The following SLC37A3 variants were observed in gnomAD, a reference collection of about 807,000 sequenced individuals.
SLC37A3 encodes solute carrier family 37 member 3.
SLC37A3 carries 51 observed loss-of-function variants against 67.1 expected under a neutral mutation model. That is an observed-to-expected ratio of 0.76 (90% CI 0.61 to 0.96). SLC37A3 has a LOEUF of 0.96. Among genes scored for constraint, SLC37A3 ranks in the 40% least tolerant of loss-of-function variants. The pLI, the probability that SLC37A3 is intolerant of heterozygous loss-of-function variation, is 0.00. For missense variants in SLC37A3, 508 were observed against 603.0 expected (o/e 0.84, Z 1.65); for synonymous variants, 214 against 231.4 (o/e 0.92, Z 0.68).
Position 140,382,610 on chromosome 7 carries a change from A to C in SLC37A3, c.-70-14T>G. ...CATTTCTTCCTTCTGGAAAGACAAA[A>C]CACATTATGGACATTATTAAACATA... is the stretch of plus-strand genomic sequence containing the variant. On this transcript the variant is annotated splice_polypyrimidine_tract_variant and intron_variant, in intron 1 of 14. Coordinates refer to ENST00000326232, the MANE Select transcript of SLC37A3 (RefSeq NM_207113.3). The C allele has an allele frequency of 8.5e-7, 1 of 1,174,330 alleles. No homozygotes were observed. The highest frequency in any genetic ancestry group is 1.3e-6 in the Non-Finnish European group (1 of 794,686). The allele number at this position is 1,174,330 out of a possible 1,614,324, so 72.7% of individuals were successfully genotyped here. A position where few individuals can be genotyped will look rare whatever the true frequency, so the allele number is the denominator to read the frequency against.
intron 1 of SLC37A3, among the ~76,000 whole-genome samples, chr7:140,390,177 C>A (rs567237827): frequency 3.3e-5 from 5 of 152,074 alleles, no homozygotes; most frequent in African/African-American, 1.2e-4. Flanking sequence ...GGGGAGTGGT[C>A]AGCAGTAAAA....
At chr7:140,369,021 C>T (rs115006760) in intron 4 of SLC37A3, among the ~76,000 whole-genome samples, 174 of 152,184 alleles carry the variant, frequency 1.1e-3, no homozygotes, top group African/African-American at 4.1e-3. Flanking sequence ...TCCAGCAGCT[C>T]CCATCTCACT....
At chr7:140,356,768 A>G (rs1303128877) in intron 6 of SLC37A3, among the ~76,000 whole-genome samples, 1 of 152,208 alleles carries the variant, frequency 6.6e-6, no homozygotes, top group African/African-American at 2.4e-5. Context: ...TCACAATGCG[A>G]TATCATTACA....
intron 9 of SLC37A3, among the ~76,000 whole-genome samples, chr7:140,349,030 G>GT (rs1796690638): frequency 6.6e-6 from 1 of 152,164 alleles, no homozygotes; most frequent in South Asian, 2.1e-4. Flanking sequence ...GCTGTGTCCA[G>GT]TTTCTCCTCC....
At chr7:140,386,319 C>T (rs913892460) in intron 1 of SLC37A3, among the ~76,000 whole-genome samples, 3 of 152,104 alleles carry the variant, frequency 2.0e-5, no homozygotes, top group Non-Finnish European at 4.4e-5. Flanking sequence ...ATCCTTCCGC[C>T]TCAGCCTTCC....
At chr7:140,352,540 G>A (rs2117085408) in intron 7 of SLC37A3, among the ~76,000 whole-genome samples, 1 of 152,228 alleles carries the variant, frequency 6.6e-6, no homozygotes, top group East Asian at 1.9e-4. Flanking sequence ...ATATTATAAA[G>A]CACCAAGAAG....
chr7:140,386,300 C>T (rs1280229734), intron 1 of SLC37A3, among the ~76,000 whole-genome samples: 1 of 152,024 alleles, frequency 6.6e-6, no homozygotes, highest in Non-Finnish European at 1.5e-5. Flanking sequence ...GAATTCCTGG[C>T]CTCGGGGAAT....
chr7:140,345,811 C>T (rs1796532313), intron 11 of SLC37A3, 58 bp downstream of exon 11: 1 of 1,373,666 alleles, frequency 7.3e-7, no homozygotes, highest in South Asian at 1.2e-5. Flanking sequence ...CAAACAAATG[C>T]CTTATTCCAA....
chr7:140,349,665 C>A (rs1796715303), intron 9 of SLC37A3, among the ~76,000 whole-genome samples: 1 of 152,168 alleles, frequency 6.6e-6, no homozygotes, highest in Non-Finnish European at 1.5e-5. Flanking sequence ...AACAGCCACC[C>A]CCTAGAGAGC....
intron 13 of SLC37A3, among the ~76,000 whole-genome samples, chr7:140,338,413 C>T (rs1300378292): frequency 6.6e-6 from 1 of 152,134 alleles, no homozygotes; most frequent in East Asian, 1.9e-4. Flanking sequence ...AGTATTTGTC[C>T]TTTTATGTCT....
At chr7:140,381,308 G>A (rs992199154) in intron 2 of SLC37A3, among the ~76,000 whole-genome samples, 1 of 150,646 alleles carries the variant, frequency 6.6e-6, no homozygotes. Flanking sequence ...GAGCCCAGGA[G>A]TTCAAGACCA....
chr7:140,339,552 C>T (rs139036574), intron 13 of SLC37A3, among the ~76,000 whole-genome samples: 3,287 of 152,172 alleles, frequency 0.022, 48 homozygotes, highest in African/African-American at 0.048. Context: ...TGAGCCACCG[C>T]GCCCGGCCCC....
rs1473552852 is a variant in SLC37A3, at chr7:140,363,108, G to A, written c.375+1300C>T. Among the ~76,000 whole-genome samples the A allele has an allele frequency of 5.6e-5, 5 of 89,184 alleles. 2 individuals carry two copies. Among genetic ancestry groups the A allele is most frequent in the Admixed American group, 3.9e-4 (4 of 10,146 alleles). 58.5% of individuals were successfully genotyped at this position (89,184 alleles called of 152,430 possible). On this transcript the variant is annotated intron_variant, in intron 5 of 14. Transcript: ENST00000326232. The stretch of plus-strand genomic sequence containing the variant: ...CCCCGCCCGGCCAGCCGCCCCATCC[G>A]GGAGGTGAGGGGCGCTTCTGCCCGG...
rs1563036973 is a variant in SLC37A3 at position 140,369,597 on chromosome 7, T to C, written c.284A>G (p.Tyr95Cys). ...GTLDTIFLFS[Y>C]AVGLFISGIV... is the part of the protein sequence containing the mutation. ...TAGAGTTCCAAAACTTACCACAGCATAGGAGAAGAGGAAAATGGTATCCAG... is the reference window on the plus strand; with the variant it reads ...TAGAGTTCCAAAACTTACCACAGCACAGGAGAAGAGGAAAATGGTATCCAG... Residue 95 changes from tyrosine (Y) to cysteine (C), a missense_variant, in exon 4 of 15, where the codon TAT becomes TGT. Physicochemically the swap from Tyr to Cys is radical, Grantham distance 194 (BLOSUM62 -2). Coordinates refer to ENST00000326232, the MANE Select transcript of SLC37A3 (RefSeq NM_207113.3). The C allele has an allele frequency of 1.9e-6, 3 of 1,613,748 alleles. No homozygotes were observed. Among genetic ancestry groups the C allele is most frequent in the South Asian group, 1.1e-5 (1 of 91,060 alleles).
chr7:140,387,726 T>C (rs1798524619), intron 1 of SLC37A3, among the ~76,000 whole-genome samples: 1 of 74,016 alleles, frequency 1.4e-5, no homozygotes, highest in East Asian at 3.7e-4. Context: ...ATATATATTA[T>C]ATAAATATAC....
chr7:140,366,172 C>A (rs1797594353), intron 4 of SLC37A3, among the ~76,000 whole-genome samples: 1 of 151,930 alleles, frequency 6.6e-6, no homozygotes, highest in East Asian at 1.9e-4. Context: ...CTCCCCACTC[C>A]CAAAGTGCTA....
chr7:140,362,609 C>A (rs1409044599), intron 5 of SLC37A3, among the ~76,000 whole-genome samples: 1 of 82,430 alleles, frequency 1.2e-5, no homozygotes, highest in Non-Finnish European at 2.7e-5. Context: ...CGCCTCTGCC[C>A]GGCTGCCCCT....
At chr7:140,368,573 T>TA (rs924205031) in intron 4 of SLC37A3, among the ~76,000 whole-genome samples, 4 of 151,560 alleles carry the variant, frequency 2.6e-5, no homozygotes, top group African/African-American at 9.7e-5. Context: ...GTCTCAAAAA[T>TA]AAAAAATTAA....
At chr7:140,347,044 T>C (rs1796589672) in intron 10 of SLC37A3, among the ~76,000 whole-genome samples, 1 of 152,178 alleles carries the variant, frequency 6.6e-6, no homozygotes, top group Non-Finnish European at 1.5e-5. Flanking sequence ...GCAAATTGCC[T>C]GAGCTCAGGA....
Sources: allele counts gnomAD v4.1 joint callset (sites outside exome capture counted in the v4.1 genomes callset), GRCh38; gene constraint gnomAD v4.1.1; transcripts MANE v1.5; gene names NCBI Gene and HGNC (gene_info 2026-07-23, HGNC 2026-07-21).